RUFY3: variants seen among roughly 807,000 people sequenced by gnomAD.
RUFY3 encodes RUN and FYVE domain containing 3.
A neutral mutation model predicts 84.0 loss-of-function variants in RUFY3; 34 were observed. That is an observed-to-expected ratio of 0.40 (90% CI 0.31 to 0.54). The LOEUF is 0.54. Ranked by LOEUF, RUFY3 falls within the 20% of genes least tolerant of loss-of-function variation. The pLI is 0.39. For synonymous variants in RUFY3, 242 were observed against 252.9 expected, an observed-to-expected ratio of 0.96 and a Z score of 0.41; for missense variants, 507 against 736.8, an observed-to-expected ratio of 0.69 and a Z score of 3.61.
intron 12 of RUFY3, 70 bp downstream of exon 12, chr4:70,789,662 A>G (rs1730495768): frequency 6.6e-7 from 1 of 1,519,582 alleles, no homozygotes; most frequent in African/African-American, 1.4e-5. Context: ...TGTGCTGTAC[A>G]TTCGGCAAAT....
intron 7 of RUFY3, among the ~76,000 whole-genome samples, chr4:70,775,482 A>G (rs1314716744): frequency 6.6e-6 from 1 of 151,604 alleles, no homozygotes; most frequent in African/African-American, 2.4e-5. Context: ...TTACGTATGT[A>G]ATTATAACTC....
At chr4:70,765,102 C>T (rs926891223) in intron 4 of RUFY3, among the ~76,000 whole-genome samples, 5 of 150,464 alleles carry the variant, frequency 3.3e-5, no homozygotes, top group Non-Finnish European at 5.9e-5. Context: ...GCACGAGAAT[C>T]GCTTGGACCT....
intron 12 of RUFY3, chr4:70,791,363 A>C: frequency 6.3e-7 from 1 of 1,599,100 alleles, no homozygotes; most frequent in Non-Finnish European, 8.5e-7. Flanking sequence ...AAGAAATCTG[A>C]AAGTTACTAC....
chr4:70,733,236 T>G (rs2148621455), intron 1 of RUFY3, among the ~76,000 whole-genome samples: 1 of 152,308 alleles, frequency 6.6e-6, no homozygotes, highest in African/African-American at 2.4e-5. Context: ...TTCTAATGTT[T>G]TCTTTATTTT....
intron 12 of RUFY3, chr4:70,791,977 A>G: frequency 1.0e-6 from 1 of 984,366 alleles, no homozygotes; most frequent in South Asian, 4.7e-5. Flanking sequence ...AAAGTTAGTA[A>G]TTAGGTAACC....
chr4:70,783,260 A>ACTC (rs1729241418), intron 9 of RUFY3, 77 bp downstream of exon 9: 1 of 892,312 alleles, frequency 1.1e-6, no homozygotes, highest in Non-Finnish European at 1.8e-6. Flanking sequence ...TCTCTAAAGG[A>ACTC]CTATTTTAAG....
chr4:70,794,359 T>G (rs970783098), intron 13 of RUFY3, among the ~76,000 whole-genome samples: 1 of 152,144 alleles, frequency 6.6e-6, no homozygotes, highest in Admixed American at 6.5e-5. Context: ...GGCAGGTGTA[T>G]CACCTGAGGT....
At chr4:70,741,996 A>G (rs915761423) in intron 1 of RUFY3, among the ~76,000 whole-genome samples, 1 of 152,180 alleles carries the variant, frequency 6.6e-6, no homozygotes, top group African/African-American at 2.4e-5. Context: ...ATACATGTAT[A>G]TATATTTCTG....
chr4:70,711,907 C>T (rs1282955962), intron 1 of RUFY3, among the ~76,000 whole-genome samples: 1 of 152,226 alleles, frequency 6.6e-6, no homozygotes, highest in African/African-American at 2.4e-5. Flanking sequence ...CAATTCTCCC[C>T]TTCTTTTCTG....
intron 1 of RUFY3, among the ~76,000 whole-genome samples, chr4:70,732,883 A>G (rs1275643398): frequency 2.0e-5 from 3 of 151,984 alleles, no homozygotes; most frequent in African/African-American, 7.3e-5. Flanking sequence ...CGTTTTGCAC[A>G]TGTACTCCGG....
In RUFY3 at chr4:70,807,836, G is replaced by A. The variant is rs974330176; in HGVS notation, c.*1177G>A. Among the ~76,000 whole-genome samples, 22 of 151,974 alleles carry A rather than the reference G, an allele frequency of 1.4e-4. No individual in the cohort carries two copies. The highest frequency in any genetic ancestry group is 3.9e-4 in the African/African-American group (16 of 41,380). Reference sequence around the variant, plus strand: ...GTTCATGGCTGAGAACAGTTAGCTCGGAATACTTACATTGTTTTTTGAATA... The same window carrying A: ...GTTCATGGCTGAGAACAGTTAGCTCAGAATACTTACATTGTTTTTTGAATA... On this transcript the variant is annotated 3_prime_UTR_variant, in exon 18 of 18. Coordinates refer to ENST00000381006, the MANE Select transcript of RUFY3 (RefSeq NM_001037442.4).
rs1260125485 is a variant in RUFY3 at position 70,737,830 on chromosome 4, C to T, written c.178+15079C>T. On this transcript the variant is annotated intron_variant, in intron 1 of 17. Coordinates refer to ENST00000381006, the MANE Select transcript of RUFY3 (RefSeq NM_001037442.4). ...CTGGGATTGCAGGCACACACCACCA[C>T]GCCTGGCTAATTTTTGTATTTTTAG... Among the ~76,000 whole-genome samples, 7 of 151,750 alleles carry T rather than the reference C, an allele frequency of 4.6e-5. No homozygotes were observed. The East Asian group carries it at 9.7e-4, about 21-fold the overall frequency.
chr4:70,709,553 AC>A (rs1366440357), intron 1 of RUFY3, among the ~76,000 whole-genome samples: 1 of 152,098 alleles, frequency 6.6e-6, no homozygotes. Flanking sequence ...TGTATGTATG[AC>A]CTTCCATGCC....
chr4:70,788,696 C>A, intron 10 of RUFY3, 110 bp from the exon 11 acceptor site: 2 of 1,199,968 alleles, frequency 1.7e-6, no homozygotes, highest in Non-Finnish European at 2.3e-6. Context: ...AGCTATTTTG[C>A]CAGAATATTC....
intron 5 of RUFY3, 35 bp downstream of exon 5, chr4:70,768,696 T>C: frequency 6.2e-7 from 1 of 1,606,240 alleles, no homozygotes; most frequent in South Asian, 1.1e-5. Context: ...TGGGTGTCAC[T>C]CTGAGTTCTG....
At chr4:70,738,415 T>C (rs1266647236) in intron 1 of RUFY3, among the ~76,000 whole-genome samples, 1 of 138,438 alleles carries the variant, frequency 7.2e-6, no homozygotes, top group Non-Finnish European at 1.5e-5. Flanking sequence ...CAGGCTGGAG[T>C]GCAGTGGCAC....
At chr4:70,780,808 T>C (rs1318259383) in intron 8 of RUFY3, among the ~76,000 whole-genome samples, 1 of 152,262 alleles carries the variant, frequency 6.6e-6, no homozygotes, top group African/African-American at 2.4e-5. Context: ...AAGACTTGTC[T>C]TCCTTAGAGT....
chr4:70,715,310 G>A (rs73824871), intron 1 of RUFY3, among the ~76,000 whole-genome samples: 5,185 of 152,108 alleles, frequency 0.034, 109 homozygotes, highest in Middle Eastern at 0.065. Flanking sequence ...GGCTGGATGC[G>A]GTGGCTCATG....
At chr4:70,756,484 A>C (rs1363513437) in intron 1 of RUFY3, among the ~76,000 whole-genome samples, 2 of 152,078 alleles carry the variant, frequency 1.3e-5, no homozygotes, top group Non-Finnish European at 2.9e-5. Flanking sequence ...CTCATCTCTA[A>C]TACTTAAACC....
Sources: allele counts gnomAD v4.1 joint callset (sites outside exome capture counted in the v4.1 genomes callset), GRCh38; gene constraint gnomAD v4.1.1; transcripts MANE v1.5; gene names NCBI Gene and HGNC (gene_info 2026-07-23, HGNC 2026-07-21).